The following HPSE2 variants were observed in gnomAD, a reference collection of about 807,000 sequenced individuals.
HPSE2 encodes the protein inactive heparanase-2.
A neutral mutation model predicts 60.5 loss-of-function variants in HPSE2; 38 were observed. The ratio of observed to expected loss-of-function variants is 0.63; its 90% confidence interval spans 0.48 to 0.82. HPSE2 has a LOEUF of 0.82. Among genes scored for constraint, HPSE2 ranks in the 40% least tolerant of loss-of-function variants. The pLI is 0.00. For missense variants in HPSE2, 713 were observed against 740.4 expected (o/e 0.96, Z 0.43); for synonymous variants, 295 against 293.2 (o/e 1.01, Z -0.06).
At chr10:98,960,387 C>A (rs1440816911) in intron 3 of HPSE2, among the ~76,000 whole-genome samples, 3 of 152,052 alleles carry the variant, frequency 2.0e-5, no homozygotes, top group African/African-American at 4.8e-5. Context: ...TTTATGGCAA[C>A]TGAATTGTTT....
chr10:99,220,956 C>T (rs1327344545), intron 2 of HPSE2, among the ~76,000 whole-genome samples: 1 of 150,104 alleles, frequency 6.7e-6, no homozygotes, highest in East Asian at 2.0e-4. Flanking sequence ...GCGATTCTCT[C>T]GCCTCAGCCT....
intron 3 of HPSE2, among the ~76,000 whole-genome samples, chr10:99,016,011 T>G (rs1589521836): frequency 6.6e-6 from 1 of 152,322 alleles, no homozygotes; most frequent in Admixed American, 6.5e-5. Flanking sequence ...GTTAATAGTT[T>G]CTTTTGCTGT....
chr10:98,595,088 T>C (rs868033361), intron 9 of HPSE2, among the ~76,000 whole-genome samples: 1 of 152,118 alleles, frequency 6.6e-6, no homozygotes, highest in South Asian at 2.1e-4. Context: ...CAATGTTTTA[T>C]AGTTTTCAGG....
intron 2 of HPSE2, among the ~76,000 whole-genome samples, chr10:99,200,398 C>G (rs1207438955): frequency 6.6e-6 from 1 of 152,038 alleles, no homozygotes. Flanking sequence ...AGCTCTAAAA[C>G]TGATGCTGAA....
intron 3 of HPSE2, among the ~76,000 whole-genome samples, chr10:98,815,678 T>C (rs1951269992): frequency 6.6e-6 from 1 of 152,066 alleles, no homozygotes; most frequent in African/African-American, 2.4e-5. Context: ...CAACTAGGAT[T>C]GAGATAACTG....
At position 98,572,380 on chromosome 10, in the gene HPSE2, T is replaced by C. The variant is rs543258223; in HGVS notation, c.1320+42524A>G. 4.6e-5 allele frequency among the ~76,000 whole-genome samples: 7 copies of C among 152,324 alleles called. No homozygotes were observed. In the South Asian group the frequency reaches 1.5e-3, roughly 32 times the overall value. On this transcript the variant is annotated intron_variant, in intron 9 of 11. Coordinates refer to ENST00000370552, the MANE Select transcript of HPSE2 (RefSeq NM_021828.5). ...GGATAGCATCTGCATGTTCCAGAGG[T>C]CAGTTTTATTTGTTTCTGTGAACAT...
chr10:98,588,900 C>T (rs746549233), intron 9 of HPSE2, among the ~76,000 whole-genome samples: 3 of 152,122 alleles, frequency 2.0e-5, no homozygotes, highest in African/African-American at 4.8e-5. Context: ...GTTCAAAACT[C>T]GACAAAACAT....
At chr10:99,094,470 T>C (rs1426326449) in intron 3 of HPSE2, among the ~76,000 whole-genome samples, 2 of 143,552 alleles carry the variant, frequency 1.4e-5, no homozygotes, top group Non-Finnish European at 3.0e-5. Context: ...GAAGTCATGA[T>C]GTCATGAATA....
At chr10:98,958,335 G>A (rs1589427290) in intron 3 of HPSE2, among the ~76,000 whole-genome samples, 1 of 151,884 alleles carries the variant, frequency 6.6e-6, no homozygotes, top group Non-Finnish European at 1.5e-5. Context: ...TAAAGTCAAG[G>A]ATTAGTCAAA....
At chr10:99,284,689 G>T in the HPSE2 span, among the ~76,000 whole-genome samples, 1 of 152,074 alleles carries the variant, frequency 6.6e-6, no homozygotes, top group African/African-American at 2.4e-5. Context: ...AAATATTTGG[G>T]TTTTTTAACT....
chr10:98,493,057 T>C (rs1941711437), intron 9 of HPSE2, among the ~76,000 whole-genome samples: 1 of 152,234 alleles, frequency 6.6e-6, no homozygotes, highest in African/African-American at 2.4e-5. Flanking sequence ...CTCATATAAA[T>C]GAACTCATAG....
chr10:99,112,415 GTGTTTTGTTTTGTTTTGTTTTGTTT>G (rs72389662), intron 3 of HPSE2, among the ~76,000 whole-genome samples: 1 of 135,904 alleles, frequency 7.4e-6, no homozygotes, highest in African/African-American at 2.7e-5. Context: ...TTTTTTTGTT[GTGTTTTGTTTTGTTTTGTTTTGTTT>G]TGTTTTGTTT....
At chr10:98,602,115 A>G (rs1272717179) in intron 9 of HPSE2, among the ~76,000 whole-genome samples, 1 of 152,154 alleles carries the variant, frequency 6.6e-6, no homozygotes, top group African/African-American at 2.4e-5. Flanking sequence ...CTGAGGAGTA[A>G]GGGTTCCCCA....
intron 3 of HPSE2, among the ~76,000 whole-genome samples, chr10:98,985,422 T>C (rs1298317161): frequency 1.3e-5 from 2 of 152,128 alleles, no homozygotes; most frequent in Non-Finnish European, 2.9e-5. Flanking sequence ...AATAAAATAC[T>C]TTACAGACAA....
chr10:99,200,113 T>A lies in HPSE2; in HGVS notation c.448+32235A>T, dbSNP rs550257469. ...TGTAAAGAAATGCAACTGATTTTTG[T>A]ATGGTAATTTTGTATCTACAACTTT... On this transcript the variant is annotated intron_variant, in intron 2 of 11. Coordinates refer to ENST00000370552, the MANE Select transcript of HPSE2 (RefSeq NM_021828.5). Among the ~76,000 whole-genome samples the A allele has an allele frequency of 1.2e-4, 18 of 152,262 alleles. No individual in the cohort carries two copies. In the South Asian group the frequency reaches 3.7e-3, roughly 32 times the overall value.
In HPSE2 at chr10:99,118,975, C is replaced by T. The variant is rs542680993; in HGVS notation, c.610+25263G>A. 2.0e-5 allele frequency among the ~76,000 whole-genome samples: 3 copies of T among 150,724 alleles called. No individual in the cohort carries two copies. In the East Asian group the frequency reaches 5.9e-4, roughly 29 times the overall value. On this transcript the variant is annotated intron_variant, in intron 3 of 11. Transcript: ENST00000370552. ...AGGTTGAAGTGAGCCAAGAGTGTGCCACTGCACTCCAGCCTGGATGACAGA... is the reference window on the plus strand; with the variant it reads ...AGGTTGAAGTGAGCCAAGAGTGTGCTACTGCACTCCAGCCTGGATGACAGA...
intron 3 of HPSE2, among the ~76,000 whole-genome samples, chr10:98,953,209 A>C (rs1198128489): frequency 6.6e-6 from 1 of 152,168 alleles, no homozygotes; most frequent in East Asian, 1.9e-4. Context: ...TGTTCCATAA[A>C]AGGCTCCAGC....
chr10:98,980,147 CA>C (rs2135296153), intron 3 of HPSE2, among the ~76,000 whole-genome samples: 1 of 152,290 alleles, frequency 6.6e-6, no homozygotes, highest in African/African-American at 2.4e-5. Context: ...TGCTACCATC[CA>C]ACCTAAGTGC....
At chr10:98,721,438 C>T (rs1223578012) in intron 5 of HPSE2, among the ~76,000 whole-genome samples, 4 of 152,028 alleles carry the variant, frequency 2.6e-5, no homozygotes, top group Non-Finnish European at 4.4e-5. Context: ...GATATACCTT[C>T]CCCATCCCAC....
Sources: gnomAD v4.1 joint callset for allele counts (sites outside exome capture counted in the v4.1 genomes callset) on GRCh38, gnomAD v4.1.1 for gene constraint, MANE v1.5 for transcripts, NCBI Gene and HGNC (gene_info 2026-07-23, HGNC 2026-07-21) for gene names.